REEP5: variants seen among roughly 807,000 people sequenced by gnomAD.
The protein encoded by REEP5 is receptor expression-enhancing protein 5.
Under a neutral mutation model 22.4 loss-of-function variants are expected in REEP5, and 24 were observed. That is an observed-to-expected ratio of 1.07 (90% CI 0.78 to 1.51). REEP5 has a LOEUF of 1.51. REEP5 is among the 40% of genes most tolerant of loss of function. The probability of loss-of-function intolerance (pLI) is 0.00; values close to 1 mark genes in which losing one functional copy is unlikely to be tolerated. For missense variants in REEP5, 252 were observed against 233.0 expected (o/e 1.08, Z -0.53); for synonymous variants, 103 against 88.6 (o/e 1.16, Z -0.92).
chr5:112,884,236 C>T (rs942919963), intron 4 of REEP5, among the ~76,000 whole-genome samples: 2 of 152,132 alleles, frequency 1.3e-5, no homozygotes, highest in African/African-American at 4.8e-5. Context: ...TTATGTGATA[C>T]GTCTTCCAGC....
At chr5:112,901,914 G>C (rs1189137383) in intron 3 of REEP5, among the ~76,000 whole-genome samples, 6 of 146,742 alleles carry the variant, frequency 4.1e-5, no homozygotes. Context: ...AGTGAGCCAA[G>C]ATCATGCCAC....
chr5:112,891,960 A>G (rs1768470710), intron 3 of REEP5: 6 of 1,243,270 alleles, frequency 4.8e-6, no homozygotes, highest in Non-Finnish European at 5.9e-6. Flanking sequence ...GGCTAGAAGA[A>G]CAAGAGAGAA....
rs1767899614 is a variant in REEP5, at chr5:112,876,522, T to C, written c.*2264A>G. 6.6e-6 allele frequency: 1 copy of C among 152,214 alleles called. No homozygotes were observed. The allele number at this position is 152,214 out of a possible 1,614,324, so 9.4% of individuals were successfully genotyped here. ...AGAGGAGTCTTCCCGAGAGTAGCAG[T>C]TGTTGATCCAAATGATTGAAGCCTT... is the stretch of plus-strand genomic sequence containing the variant. On this transcript the variant is annotated 3_prime_UTR_variant, in exon 5 of 5. Transcript: ENST00000379638.
chr5:112,892,120 C>T lies in REEP5; in HGVS notation c.352-4937G>A, dbSNP rs1485728843. On this transcript the variant is annotated intron_variant, in intron 3 of 4. Transcript: ENST00000379638. ...AGAAAATAGTACCACATGGCAAAACCCAGAACCACCCGTGGATTTCAGAGT... is the reference window on the plus strand; with the variant it reads ...AGAAAATAGTACCACATGGCAAAACTCAGAACCACCCGTGGATTTCAGAGT... 11 of 1,613,988 alleles carry T rather than the reference C, an allele frequency of 6.8e-6. No homozygotes were observed. The African/African-American group carries it at 1.5e-4, about 22-fold the overall frequency.
chr5:112,909,921 T>C (rs1769053678), intron 2 of REEP5, among the ~76,000 whole-genome samples: 2 of 152,320 alleles, frequency 1.3e-5, no homozygotes, highest in African/African-American at 2.4e-5. Context: ...ACCTAAGATA[T>C]TCCCTGACCC....
chr5:112,921,809 A>C, intron 1 of REEP5: 1 of 343,990 alleles, frequency 2.9e-6, no homozygotes. Flanking sequence ...CGGGGCAGAC[A>C]TACGTCAGCG....
chr5:112,893,504 T>TTA, intron 3 of REEP5: 3 of 156,070 alleles, frequency 1.9e-5, no homozygotes, highest in Admixed American at 6.3e-5. Flanking sequence ...ATCTCCATGT[T>TTA]ATGATTTTAA....
chr5:112,898,407 C>T (rs1768756625), intron 3 of REEP5: 1 of 152,200 alleles, frequency 6.6e-6, no homozygotes, highest in South Asian at 2.1e-4. Context: ...AATGGATGCA[C>T]ATTCATTTTA....
At chr5:112,905,173 C>T (rs1292746451) in intron 2 of REEP5, among the ~76,000 whole-genome samples, 1 of 152,172 alleles carries the variant, frequency 6.6e-6, no homozygotes, top group Non-Finnish European at 1.5e-5. Flanking sequence ...GATGGTCTAG[C>T]TCACTCAGGA....
At chr5:112,894,157 C>T (rs922983588) in intron 3 of REEP5, 1 of 144,890 alleles carries the variant, frequency 6.9e-6, no homozygotes, top group Admixed American at 7.1e-5. Context: ...GAGTCTTGCT[C>T]TGTTGCCAGG....
intron 4 of REEP5, among the ~76,000 whole-genome samples, chr5:112,883,449 C>A (rs1768137766): frequency 1.3e-5 from 2 of 152,300 alleles, no homozygotes; most frequent in Admixed American, 1.3e-4. Flanking sequence ...CCCAGGGATA[C>A]CACACGCTCA....
chr5:112,887,513 A>G (rs983070402), intron 3 of REEP5, among the ~76,000 whole-genome samples: 3 of 152,216 alleles, frequency 2.0e-5, no homozygotes, highest in Non-Finnish European at 2.9e-5. Flanking sequence ...AATCAATTTA[A>G]GAAAATATAG....
At chr5:112,915,672 A>G (rs1371750476) in intron 2 of REEP5, among the ~76,000 whole-genome samples, 3 of 152,356 alleles carry the variant, frequency 2.0e-5, no homozygotes, top group African/African-American at 4.8e-5. Flanking sequence ...CCAAGTGCAC[A>G]TCGGCCAGAA....
intron 2 of REEP5, among the ~76,000 whole-genome samples, chr5:112,906,451 C>G (rs73789242): frequency 1.3e-5 from 2 of 152,126 alleles, no homozygotes; most frequent in East Asian, 3.8e-4. Flanking sequence ...ACTATACATA[C>G]AATAGGAGGT....
chr5:112,899,142 G>C (rs1424405537), intron 3 of REEP5, among the ~76,000 whole-genome samples: 1 of 152,078 alleles, frequency 6.6e-6, no homozygotes, highest in Non-Finnish European at 1.5e-5. Context: ...GCAGTTGGGT[G>C]ATCATTGCTT....
At position 112,887,194 on chromosome 5, in the gene REEP5, A is replaced by T. The variant is rs777034502; in HGVS notation, c.352-11T>A. The stretch of plus-strand genomic sequence containing the variant: ...CAACAGGAAGCCACACTGCACAGAA[A>T]AAGAGCCAGCATGGGTAACAGGAGG... On this transcript the variant is annotated splice_polypyrimidine_tract_variant and intron_variant, in intron 3 of 4. Transcript: ENST00000379638. 1 of 1,570,490 alleles carries T rather than the reference A, an allele frequency of 6.4e-7. No homozygotes were observed. Among genetic ancestry groups the T allele is most frequent in the Non-Finnish European group, 8.7e-7 (1 of 1,150,646 alleles).
At chr5:112,895,681 T>C (rs1389693777) in intron 3 of REEP5, 2 of 152,214 alleles carry the variant, frequency 1.3e-5, no homozygotes, top group African/African-American at 4.8e-5. Context: ...ATGTTAAAAA[T>C]AAAGTTAATT....
intron 3 of REEP5, chr5:112,892,338 C>G (rs1022151456): frequency 1.2e-6 from 2 of 1,614,010 alleles, no homozygotes; most frequent in Non-Finnish European, 1.7e-6. Context: ...TGGAGTACAG[C>G]GAGGAAGAAA....
At chr5:112,920,537 C>T (rs935341492) in intron 2 of REEP5, among the ~76,000 whole-genome samples, 1 of 152,054 alleles carries the variant, frequency 6.6e-6, no homozygotes, top group Non-Finnish European at 1.5e-5. Flanking sequence ...AAATTCAGAT[C>T]CTAATCGTAA....
Sources: gnomAD v4.1 joint callset for allele counts (sites outside exome capture counted in the v4.1 genomes callset) on GRCh38, gnomAD v4.1.1 for gene constraint, MANE v1.5 for transcripts, NCBI Gene and HGNC (gene_info 2026-07-23, HGNC 2026-07-21) for gene names.